ST7: variants seen among roughly 807,000 people sequenced by gnomAD.
The protein encoded by ST7 is suppression of tumorigenicity 7.
A neutral mutation model predicts 78.7 loss-of-function variants in ST7; 28 were observed. That is an observed-to-expected ratio of 0.36 (90% confidence interval 0.26 to 0.49). The LOEUF is 0.49. Ranked by LOEUF, ST7 falls within the 20% of genes least tolerant of loss-of-function variation. ST7 has a pLI of 0.99. For synonymous variants in ST7, 247 were observed against 249.6 expected, an observed-to-expected ratio of 0.99 and a Z score of 0.10; for missense variants, 418 against 696.0, an observed-to-expected ratio of 0.60 and a Z score of 4.49.
At chr7:117,080,787 A>C (rs1178111506) in intron 1 of ST7, 1 of 152,208 alleles carries the variant, frequency 6.6e-6, no homozygotes, top group Non-Finnish European at 1.5e-5. Flanking sequence ...TTAGGTACTT[A>C]AATATTTTGG....
chr7:117,228,920 A>T (rs1164986847), intron 15 of ST7, among the ~76,000 whole-genome samples: 1 of 152,112 alleles, frequency 6.6e-6, no homozygotes, highest in Non-Finnish European at 1.5e-5. Context: ...AAACCATCCC[A>T]ACAACTCTCT....
chr7:117,107,821 C>T (rs1045509591), intron 2 of ST7, among the ~76,000 whole-genome samples: 2 of 151,936 alleles, frequency 1.3e-5, no homozygotes, highest in African/African-American at 4.8e-5. Context: ...CCATGTTGGC[C>T]AGGCTGGTCT....
Position 117,145,113 on chromosome 7 carries a change from A to G in ST7, c.963+6581A>G, listed in dbSNP as rs141809058. On this transcript the variant is annotated intron_variant, in intron 9 of 15. Coordinates refer to ENST00000323984, the MANE Select transcript of ST7 (RefSeq NM_001369598.1). ...TCCCAGCTGCTTGAGAGGCTGAAGCAGGAAGATCTCTTGGGCCTGAAGTTA... is the reference window on the plus strand; with the variant it reads ...TCCCAGCTGCTTGAGAGGCTGAAGCGGGAAGATCTCTTGGGCCTGAAGTTA... Among the ~76,000 whole-genome samples the G allele has an allele frequency of 8.1e-4, 124 of 152,212 alleles. 3 individuals are homozygous for G. In the East Asian group the frequency reaches 0.023, roughly 28 times the overall value.
chr7:117,118,391 A>G (rs1803070922), intron 2 of ST7: 1 of 152,192 alleles, frequency 6.6e-6, no homozygotes, highest in Non-Finnish European at 1.5e-5. Flanking sequence ...GATTGGAAAC[A>G]TTTCGTTTGA....
At chr7:117,118,867 C>T (rs1048689166) in intron 2 of ST7, among the ~76,000 whole-genome samples, 1 of 152,166 alleles carries the variant, frequency 6.6e-6, no homozygotes, top group East Asian at 1.9e-4. Context: ...CTGAAAGTTA[C>T]TTCTTTTCCC....
At chr7:117,041,707 C>T (rs1482852072) in intron 1 of ST7, among the ~76,000 whole-genome samples, 1 of 152,112 alleles carries the variant, frequency 6.6e-6, no homozygotes, top group African/African-American at 2.4e-5. Context: ...GCCTCTTTCC[C>T]TGAACTGTGT....
chr7:117,225,155 A>T (rs1342885828), intron 15 of ST7, among the ~76,000 whole-genome samples: 2 of 152,170 alleles, frequency 1.3e-5, no homozygotes, highest in Non-Finnish European at 2.9e-5. Flanking sequence ...GTTCTCTAGG[A>T]CTGGCCGTAC....
intron 1 of ST7, among the ~76,000 whole-genome samples, chr7:116,961,131 A>G (rs1452060054): frequency 1.3e-5 from 2 of 152,088 alleles, no homozygotes; most frequent in African/African-American, 2.4e-5. Context: ...GGTGTGCAGC[A>G]TTATTTCTGG....
At chr7:117,160,074 T>TTAATA (rs1807007413) in intron 9 of ST7, among the ~76,000 whole-genome samples, 1 of 150,484 alleles carries the variant, frequency 6.6e-6, no homozygotes, top group Admixed American at 6.6e-5. Flanking sequence ...GTGGCTAATT[T>TTAATA]TAATTTAATT....
intron 15 of ST7, chr7:117,222,820 A>G (rs375220904): frequency 1.4e-6 from 2 of 1,477,572 alleles, no homozygotes; most frequent in Non-Finnish European, 1.9e-6. Context: ...ATCAGAAAGG[A>G]TGATTTCTAA....
intron 9 of ST7, among the ~76,000 whole-genome samples, chr7:117,163,432 C>T (rs1309279156): frequency 6.6e-6 from 1 of 152,056 alleles, no homozygotes; most frequent in Non-Finnish European, 1.5e-5. Flanking sequence ...TGCATTCTCG[C>T]CAGTGTTTGT....
At chr7:117,175,231 G>A (rs918690427) in intron 10 of ST7, among the ~76,000 whole-genome samples, 6 of 152,050 alleles carry the variant, frequency 3.9e-5, no homozygotes, top group African/African-American at 1.4e-4. Flanking sequence ...TTGCTATAAA[G>A]ACAGCCATGT....
chr7:117,043,982 C>G (rs1396032979), intron 1 of ST7, among the ~76,000 whole-genome samples: 7 of 152,192 alleles, frequency 4.6e-5, no homozygotes, highest in Admixed American at 4.6e-4. Context: ...AGGACATACT[C>G]TTATCAGGGA....
In ST7 at chr7:117,031,834, C is replaced by A. The variant is rs1402915909; in HGVS notation, c.152-67928C>A. On this transcript the variant is annotated intron_variant, in intron 1 of 15. Transcript: ENST00000323984. ...TATATGCATATATCTATATCTATAT[C>A]TATATCTATATCTATATCTATATCT... Among the ~76,000 whole-genome samples, 2 of 94,184 alleles carry A rather than the reference C, an allele frequency of 2.1e-5. 1 individual carries two copies. Among genetic ancestry groups the A allele is most frequent in the East Asian group, 1.6e-3 (2 of 1,250 alleles). 61.8% of individuals were successfully genotyped at this position (94,184 alleles called of 152,430 possible).
At chr7:117,151,853 C>G (rs541812989) in intron 9 of ST7, among the ~76,000 whole-genome samples, 3 of 152,146 alleles carry the variant, frequency 2.0e-5, no homozygotes, top group African/African-American at 7.2e-5. Context: ...GGCATGGTGG[C>G]TCACGCCTAT....
At chr7:117,173,072 C>A (rs1280123359) in intron 10 of ST7, among the ~76,000 whole-genome samples, 1 of 152,228 alleles carries the variant, frequency 6.6e-6, no homozygotes, top group African/African-American at 2.4e-5. Context: ...GCCCGTCCCA[C>A]CCTCCACTGA....
At chr7:117,164,905 A>T (rs1035902425) in intron 9 of ST7, among the ~76,000 whole-genome samples, 2 of 151,988 alleles carry the variant, frequency 1.3e-5, no homozygotes, top group African/African-American at 4.8e-5. Context: ...TGTTTGGATG[A>T]TCTCCACGGA....
chr7:117,019,469 C>A (rs900890414), intron 1 of ST7, among the ~76,000 whole-genome samples: 4 of 152,128 alleles, frequency 2.6e-5, no homozygotes, highest in Non-Finnish European at 5.9e-5. Context: ...CAAATGCTTA[C>A]TCATACAGAG....
rs1197891534 is a variant in ST7 at position 117,219,042 on chromosome 7, A to C, written c.1406-42A>C. The C allele has an allele frequency of 6.5e-7, 1 of 1,537,834 alleles. No homozygotes were observed. The highest frequency in any genetic ancestry group is 1.8e-5 in the Admixed American group (1 of 55,830). On this transcript the variant is annotated intron_variant, in intron 13 of 15. Transcript: ENST00000323984. The surrounding 1 kb of genome is among the most constrained non-coding windows in gnomAD (Gnocchi z 5.1). ...CTTTTTGCAGTTGGGAAGTTATGAC[A>C]CAAACATTGGACATCTCTGACATAT...
Sources: gnomAD v4.1 joint callset for allele counts (sites outside exome capture counted in the v4.1 genomes callset) on GRCh38, gnomAD v4.1.1 for gene constraint, Gnocchi (gnomAD v3.1) non-coding constraint, MANE v1.5 for transcripts, NCBI Gene and HGNC (gene_info 2026-07-23, HGNC 2026-07-21) for gene names.